Variants in DSCAM observed in about 807,000 individuals in gnomAD.
The protein encoded by DSCAM is cell adhesion molecule DSCAM.
In DSCAM, 47 loss-of-function variants were observed where a neutral mutation model predicts 217.7. That is an observed-to-expected ratio of 0.22 (90% CI 0.17 to 0.28). DSCAM has a LOEUF of 0.28. Among genes scored for constraint, DSCAM ranks in the 10% least tolerant of loss-of-function variants. The probability of loss-of-function intolerance (pLI) is 1.00; values close to 1 mark genes in which losing one functional copy is unlikely to be tolerated. For synonymous variants in DSCAM, 1,056 were observed against 1,015.3 expected, an observed-to-expected ratio of 1.04 and a Z score of -0.76; for missense variants, 2,080 against 2,618.3, an observed-to-expected ratio of 0.79 and a Z score of 4.49.
Position 40,055,830 on chromosome 21 carries a change from G to C in DSCAM, c.4930C>G (p.Arg1644Gly). The change falls in exon 29 of 33, where the codon CGG becomes GGG. Residue 1644 changes from arginine (R) to glycine (G), a missense_variant. Arg to Gly is a moderately radical substitution (Grantham distance 125). Coordinates refer to ENST00000400454, the MANE Select transcript of DSCAM (RefSeq NM_001389.5). Reference sequence around the variant, plus strand: ...TGCTTGCTTAACGTATCTGAAGTCCGGGTATTCTTACTGGGAATAAAATGG... The same window carrying C: ...TGCTTGCTTAACGTATCTGAAGTCCCGGTATTCTTACTGGGAATAAAATGG... ...LAEMLMSKNT[R>G]TSDTLSKQQQ... 6.2e-7 allele frequency: 1 copy of C among 1,612,554 alleles called. No homozygotes were observed. Among genetic ancestry groups the C allele is most frequent in the Admixed American group, 1.7e-5 (1 of 60,004 alleles).
intron 1 of DSCAM, among the ~76,000 whole-genome samples, chr21:40,833,512 A>G (rs1231545018): frequency 6.6e-6 from 1 of 152,236 alleles, no homozygotes. Context: ...TAATCATCTG[A>G]TCAAACACTA....
chr21:40,675,040 C>A (rs1174026415), intron 3 of DSCAM, among the ~76,000 whole-genome samples: 1 of 152,154 alleles, frequency 6.6e-6, no homozygotes. Context: ...CATGCACGCG[C>A]ACACACGTAC....
chr21:40,098,248 A>G (rs1383888120), intron 20 of DSCAM, among the ~76,000 whole-genome samples: 2 of 152,212 alleles, frequency 1.3e-5, no homozygotes, highest in Non-Finnish European at 2.9e-5. Flanking sequence ...ATATTCACCT[A>G]TTATTCAAAG....
At chr21:40,044,748 A>G (rs2088816081) in intron 30 of DSCAM, among the ~76,000 whole-genome samples, 2 of 152,356 alleles carry the variant, frequency 1.3e-5, no homozygotes, top group Admixed American at 1.3e-4. Context: ...GGATGATAGT[A>G]CAAAAAATAA....
chr21:40,474,604 C>A (rs1413028444), intron 3 of DSCAM, among the ~76,000 whole-genome samples: 2 of 152,154 alleles, frequency 1.3e-5, no homozygotes, highest in African/African-American at 4.8e-5. Flanking sequence ...TCCCGCAGAG[C>A]AGAGTTTGAA....
At chr21:40,619,671 T>G (rs2089452767) in intron 3 of DSCAM, among the ~76,000 whole-genome samples, 1 of 151,998 alleles carries the variant, frequency 6.6e-6, no homozygotes, top group African/African-American at 2.4e-5. Flanking sequence ...GTTCTAGGAG[T>G]TTGTTTCGCC....
chr21:40,801,764 G>C (rs781749827), intron 1 of DSCAM, among the ~76,000 whole-genome samples: 4 of 152,234 alleles, frequency 2.6e-5, no homozygotes, highest in Non-Finnish European at 5.9e-5. Context: ...GCTCTTGGCA[G>C]CATGCATGTG....
At chr21:40,785,028 A>C (rs1055943590) in intron 1 of DSCAM, among the ~76,000 whole-genome samples, 4 of 152,234 alleles carry the variant, frequency 2.6e-5, no homozygotes, top group African/African-American at 9.7e-5. Flanking sequence ...GTCTAAATGC[A>C]CAGAAAGATA....
intron 3 of DSCAM, among the ~76,000 whole-genome samples, chr21:40,397,111 T>C (rs1287887912): frequency 6.6e-6 from 1 of 152,236 alleles, no homozygotes; most frequent in African/African-American, 2.4e-5. Flanking sequence ...ATCTGAGAGA[T>C]GGATTTGAGA....
chr21:40,322,297 T>C (rs950543197), intron 8 of DSCAM, among the ~76,000 whole-genome samples: 1 of 152,126 alleles, frequency 6.6e-6, no homozygotes, highest in Admixed American at 6.5e-5. Flanking sequence ...ATCCTATTAT[T>C]ACTTGATCTC....
intron 28 of DSCAM, among the ~76,000 whole-genome samples, chr21:40,061,027 G>A (rs907518254): frequency 1.3e-5 from 2 of 152,210 alleles, no homozygotes; most frequent in African/African-American, 4.8e-5. Flanking sequence ...AGGAGATACT[G>A]TACAGGGAAT....
chr21:40,419,064 G>A (rs778051706), intron 3 of DSCAM, among the ~76,000 whole-genome samples: 3 of 151,926 alleles, frequency 2.0e-5, no homozygotes, highest in African/African-American at 4.8e-5. Context: ...TCTGCCTCCC[G>A]GGTTCACGCC....
intron 3 of DSCAM, among the ~76,000 whole-genome samples, chr21:40,554,228 T>C (rs926040131): frequency 1.3e-5 from 2 of 151,976 alleles, no homozygotes; most frequent in Non-Finnish European, 1.5e-5. Context: ...CGACAAATTG[T>C]TGGATTAAAC....
intron 18 of DSCAM, among the ~76,000 whole-genome samples, chr21:40,135,678 A>T (rs1407239642): frequency 1.3e-5 from 2 of 152,222 alleles, no homozygotes; most frequent in Non-Finnish European, 2.9e-5. Flanking sequence ...TATTGCACAG[A>T]AGTTCACAAA....
intron 3 of DSCAM, among the ~76,000 whole-genome samples, chr21:40,440,099 T>C (rs1401271839): frequency 6.6e-6 from 1 of 152,226 alleles, no homozygotes; most frequent in African/African-American, 2.4e-5. Flanking sequence ...TAGGAACATG[T>C]ATCTGCACAT....
chr21:40,376,738 A>G (rs1191247157), intron 3 of DSCAM, among the ~76,000 whole-genome samples: 1 of 148,272 alleles, frequency 6.7e-6, no homozygotes, highest in East Asian at 2.0e-4. Flanking sequence ...TATGATATAT[A>G]TAAAGGATTA....
chr21:40,281,975 C>A (rs1312211909), intron 10 of DSCAM, among the ~76,000 whole-genome samples: 1 of 152,050 alleles, frequency 6.6e-6, no homozygotes, highest in South Asian at 2.1e-4. Context: ...TAGTTTTTAA[C>A]CATATATTGA....
In DSCAM at chr21:40,024,846, A is replaced by C. The variant is rs1307823615; in HGVS notation, c.5687-11460T>G. Among the ~76,000 whole-genome samples the C allele has an allele frequency of 2.7e-4, 22 of 82,392 alleles. 3 individuals carry two copies. The highest frequency in any genetic ancestry group is 9.8e-4 in the South Asian group (2 of 2,036). The allele number at this position is 82,392 out of a possible 152,430, so 54.1% of individuals were successfully genotyped here. On this transcript the variant is annotated intron_variant, in intron 32 of 32. Transcript: ENST00000400454. ...GACAATTTGACTTCCTCTTTTCCTA[A>C]TTGAATACCCTTCATTTCCTTCTCC...
intron 3 of DSCAM, among the ~76,000 whole-genome samples, chr21:40,573,070 A>G (rs1274051707): frequency 6.6e-6 from 1 of 152,168 alleles, no homozygotes; most frequent in Non-Finnish European, 1.5e-5. Flanking sequence ...TGAAAACAAT[A>G]ATATTAAAAT....
Sources: gnomAD v4.1 joint callset for allele counts (sites outside exome capture counted in the v4.1 genomes callset) on GRCh38, gnomAD v4.1.1 for gene constraint, MANE v1.5 for transcripts, NCBI Gene and HGNC (gene_info 2026-07-23, HGNC 2026-07-21) for gene names.